CSMD1: variants seen among roughly 807,000 people sequenced by gnomAD.
CSMD1 encodes the protein CUB and Sushi multiple domains 1, also known as CUB and sushi domain-containing protein 1.
CSMD1 carries 213 observed loss-of-function variants against 417.5 expected under a neutral mutation model. The ratio of observed to expected loss-of-function variants is 0.51; its 90% confidence interval spans 0.46 to 0.57. The LOEUF is 0.57. Among genes scored for constraint, CSMD1 ranks in the 20% least tolerant of loss-of-function variants. The pLI is 0.00. For missense variants in CSMD1, 6,923 were observed against 4,529.7 expected, an observed-to-expected ratio of 1.53 and a Z score of -15.17; for synonymous variants, 2,862 against 1,736.8, an observed-to-expected ratio of 1.65 and a Z score of -16.11.
chr8:4,739,746 C>A (rs1038364842), intron 1 of CSMD1, among the ~76,000 whole-genome samples: 53 of 152,252 alleles, frequency 3.5e-4, no homozygotes, highest in African/African-American at 1.2e-3. Context: ...TGCTCCCTAT[C>A]CCTTCCCACA....
intron 1 of CSMD1, among the ~76,000 whole-genome samples, chr8:4,847,241 T>G (rs898194727): frequency 6.6e-6 from 1 of 152,244 alleles, no homozygotes; most frequent in African/African-American, 2.4e-5. Flanking sequence ...ATAATGCGTT[T>G]GATGATGCAT....
At chr8:3,869,148 C>A (rs561034093) in intron 5 of CSMD1, among the ~76,000 whole-genome samples, 3 of 152,194 alleles carry the variant, frequency 2.0e-5, no homozygotes, top group Non-Finnish European at 2.9e-5. Context: ...CCTGTCTCCA[C>A]ACCGTGCCCT....
intron 1 of CSMD1, among the ~76,000 whole-genome samples, chr8:4,647,258 T>C (rs1803575700): frequency 6.7e-6 from 1 of 150,240 alleles, no homozygotes; most frequent in Non-Finnish European, 1.5e-5. Context: ...TTTAATTTCT[T>C]CTAAAAAAAA....
chr8:3,953,190 A>G (rs1395157080), intron 5 of CSMD1, among the ~76,000 whole-genome samples: 1 of 152,166 alleles, frequency 6.6e-6, no homozygotes, highest in Non-Finnish European at 1.5e-5. Flanking sequence ...TACTTTGTGT[A>G]GAAGCACTAT....
At chr8:4,623,314 G>T (rs546436555) in intron 2 of CSMD1, among the ~76,000 whole-genome samples, 1 of 152,062 alleles carries the variant, frequency 6.6e-6, no homozygotes, top group Non-Finnish European at 1.5e-5. Flanking sequence ...TTACAATGAC[G>T]AAAACTAAAA....
Position 4,489,836 on chromosome 8 carries a change from G to A in CSMD1, c.303-69771C>T, listed in dbSNP as rs551747489. Among the ~76,000 whole-genome samples the A allele has an allele frequency of 1.2e-3, 186 of 152,272 alleles. 2 individuals carry two copies. Among genetic ancestry groups the A allele is most frequent in the African/African-American group, 4.3e-3 (179 of 41,568 alleles). On this transcript the variant is annotated intron_variant, in intron 2 of 69. Coordinates refer to ENST00000635120, the MANE Select transcript of CSMD1 (RefSeq NM_033225.6). ...TAGTCAGGCTGCCACCTGACTTGCA[G>A]CCTTGTGAGGTCGTAAGCAGGGTGC...
At chr8:3,914,978 T>G (rs763174798) in intron 5 of CSMD1, among the ~76,000 whole-genome samples, 1 of 152,174 alleles carries the variant, frequency 6.6e-6, no homozygotes, top group African/African-American at 2.4e-5. Flanking sequence ...TGATGAAAGC[T>G]GAACGGAACA....
At chr8:3,402,696 A>G (rs1296062575) in intron 15 of CSMD1, among the ~76,000 whole-genome samples, 1 of 152,180 alleles carries the variant, frequency 6.6e-6, no homozygotes, top group Non-Finnish European at 1.5e-5. Flanking sequence ...CCAAATATCT[A>G]TAACATTTTT....
chr8:4,308,611 T>G (rs1798385421), intron 3 of CSMD1, among the ~76,000 whole-genome samples: 1 of 152,208 alleles, frequency 6.6e-6, no homozygotes. Context: ...AGAGAATTTG[T>G]TAAGCCTGCT....
chr8:4,059,250 G>C (rs2912279), intron 3 of CSMD1, among the ~76,000 whole-genome samples: 136,875 of 152,126 alleles, frequency 0.9, 61,704 homozygotes, highest in Middle Eastern at 0.95. Context: ...CCAAAGAGAA[G>C]AAAGACACAA....
intron 3 of CSMD1, among the ~76,000 whole-genome samples, chr8:4,400,111 ACT>A (rs1490847244): frequency 6.6e-6 from 1 of 152,002 alleles, no homozygotes; most frequent in African/African-American, 2.4e-5. Context: ...AATAGTGTAT[ACT>A]CTCTGCTCTA....
At chr8:3,665,317 G>C (rs982046069) in intron 7 of CSMD1, among the ~76,000 whole-genome samples, 3 of 152,126 alleles carry the variant, frequency 2.0e-5, no homozygotes, top group African/African-American at 4.8e-5. Flanking sequence ...ATGGCCTGAG[G>C]TCAGGAGTTC....
chr8:4,175,847 A>G (rs1240177089), intron 3 of CSMD1, among the ~76,000 whole-genome samples: 1 of 152,180 alleles, frequency 6.6e-6, no homozygotes, highest in Non-Finnish European at 1.5e-5. Context: ...AACTGGAAAG[A>G]AATAACCAAA....
chr8:3,313,482 A>G (rs528268834), intron 23 of CSMD1, among the ~76,000 whole-genome samples: 68 of 152,346 alleles, frequency 4.5e-4, no homozygotes, highest in African/African-American at 1.5e-3. Flanking sequence ...AAAAGATGAC[A>G]TTTATGCAGC....
chr8:3,239,081 T>G (rs1799333394), intron 26 of CSMD1, among the ~76,000 whole-genome samples: 1 of 152,200 alleles, frequency 6.6e-6, no homozygotes, highest in African/African-American at 2.4e-5. Flanking sequence ...TGTAGCATTC[T>G]GAGGACAGAC....
At chr8:4,095,209 C>T (rs548076353) in intron 3 of CSMD1, among the ~76,000 whole-genome samples, 2 of 152,170 alleles carry the variant, frequency 1.3e-5, no homozygotes, top group Non-Finnish European at 2.9e-5. Flanking sequence ...TTGGTTACAA[C>T]GTACTGCCTC....
intron 10 of CSMD1, among the ~76,000 whole-genome samples, chr8:3,508,004 G>A (rs551130870): frequency 2.6e-5 from 4 of 152,100 alleles, no homozygotes; most frequent in African/African-American, 9.7e-5. Context: ...AGAGGCTCTT[G>A]AGTTTTATTA....
chr8:4,640,863 A>C (rs1378927813), intron 1 of CSMD1, among the ~76,000 whole-genome samples: 11 of 13,734 alleles, frequency 8.0e-4, no homozygotes. Context: ...AATTATTGCT[A>C]AAAAAAAAAA....
intron 1 of CSMD1, among the ~76,000 whole-genome samples, chr8:4,746,252 G>C (rs1190405531): frequency 6.6e-6 from 1 of 152,096 alleles, no homozygotes; most frequent in Non-Finnish European, 1.5e-5. Context: ...ATTCCAGCCA[G>C]ACTAGATCTT....
Sources: allele counts gnomAD v4.1 joint callset (sites outside exome capture counted in the v4.1 genomes callset), GRCh38; gene constraint gnomAD v4.1.1; transcripts MANE v1.5; gene names NCBI Gene and HGNC (gene_info 2026-07-23, HGNC 2026-07-21).